THSD4: variants seen among roughly 807,000 people sequenced by gnomAD.
THSD4 encodes thrombospondin type 1 domain containing 4.
THSD4 carries 69 observed loss-of-function variants against 119.0 expected under a neutral mutation model. The observed-to-expected ratio is 0.58, with a 90% CI of 0.48 to 0.71. THSD4 has a LOEUF of 0.71. Ranked by LOEUF, THSD4 falls within the 30% of genes least tolerant of loss-of-function variation. THSD4 has a pLI of 0.00. For missense variants in THSD4, 1,393 were observed against 1,391.1 expected, an observed-to-expected ratio of 1.00 and a Z score of -0.02; for synonymous variants, 524 against 540.4, an observed-to-expected ratio of 0.97 and a Z score of 0.42.
chr15:71,388,661 A>AGTGTGTGTGTGTGTGT (rs748438115), intron 6 of THSD4, among the ~76,000 whole-genome samples: 4 of 142,088 alleles, frequency 2.8e-5, no homozygotes, highest in African/African-American at 7.5e-5. Context: ...TTCTTTGGAG[A>AGTGTGTGTGTGTGTGT]GAGTGTGTGT....
At chr15:71,746,716 C>A (rs1427247895) in intron 12 of THSD4, 122 bp from the exon 13 acceptor site, 10 of 1,088,510 alleles carry the variant, frequency 9.2e-6, no homozygotes, top group Non-Finnish European at 1.2e-5. Context: ...TCAAGCAATG[C>A]TCTAGTAAGA....
rs544273960 is a variant in THSD4 at position 71,694,023 on chromosome 15, AAAAG to A, written c.1357+33309_1357+33312del. Among the ~76,000 whole-genome samples, 1,401 of 152,084 alleles carry A rather than the reference AAAAG, an allele frequency of 9.2e-3. 20 individuals are homozygous for A. Among genetic ancestry groups the A allele is most frequent in the African/African-American group, 0.03 (1,264 of 41,498 alleles). On this transcript the variant is annotated intron_variant, in intron 8 of 17. Coordinates refer to ENST00000261862, the MANE Select transcript of THSD4 (RefSeq NM_024817.3). ...GAGTGAGACCCTGTCTCAAAAAAAAAAAAGAAAGAAAGAAAGAAAGAAAAGCCAG... is the reference window on the plus strand; with the variant it reads ...GAGTGAGACCCTGTCTCAAAAAAAAAAAAGAAAGAAAGAAAGAAAAGCCAG...
intron 7 of THSD4, among the ~76,000 whole-genome samples, chr15:71,578,761 T>C (rs1032562834): frequency 6.6e-6 from 1 of 152,100 alleles, no homozygotes; most frequent in African/African-American, 2.4e-5. Context: ...TATATGATAG[T>C]AAATAATGAA....
intron 17 of THSD4, among the ~76,000 whole-genome samples, chr15:71,775,421 G>C (rs1162528609): frequency 6.6e-6 from 1 of 152,118 alleles, no homozygotes; most frequent in African/African-American, 2.4e-5. Context: ...CTGACAACCT[G>C]TGTCTAAAGT....
chr15:71,310,938 C>T (rs12909381), intron 6 of THSD4, among the ~76,000 whole-genome samples: 136,665 of 152,142 alleles, frequency 0.9, 62,798 homozygotes, highest in East Asian at 1. Flanking sequence ...AACATCTCCC[C>T]CACAACGTGC....
intron 7 of THSD4, among the ~76,000 whole-genome samples, chr15:71,465,913 G>A (rs1029290592): frequency 1.3e-5 from 2 of 152,214 alleles, no homozygotes; most frequent in South Asian, 4.1e-4. Flanking sequence ...TGGCAGGTGA[G>A]TGAAAGGCCT....
intron 6 of THSD4, among the ~76,000 whole-genome samples, chr15:71,295,739 A>T (rs2140330524): frequency 6.6e-6 from 1 of 152,220 alleles, no homozygotes; most frequent in Non-Finnish European, 1.5e-5. Flanking sequence ...GAGTTTTAGT[A>T]AGTTTACCAA....
intron 7 of THSD4, among the ~76,000 whole-genome samples, chr15:71,609,807 A>G (rs11072308): frequency 0.95 from 140,796 of 148,198 alleles, 67,352 homozygotes; most frequent in East Asian, 1. Flanking sequence ...AGCGGAGATC[A>G]TGCCACTGCA....
intron 7 of THSD4, among the ~76,000 whole-genome samples, chr15:71,437,455 G>A (rs548774156): frequency 5.3e-5 from 8 of 152,216 alleles, no homozygotes; most frequent in Non-Finnish European, 1.0e-4. Flanking sequence ...GAAAACTCAA[G>A]GAAAGGACCA....
intron 6 of THSD4, among the ~76,000 whole-genome samples, chr15:71,310,494 A>G (rs1235652799): frequency 6.6e-6 from 1 of 152,200 alleles, no homozygotes; most frequent in Non-Finnish European, 1.5e-5. Flanking sequence ...CAAAGTATGG[A>G]CAGCCATGTA....
intron 7 of THSD4, among the ~76,000 whole-genome samples, chr15:71,556,217 C>T (rs1353519671): frequency 6.6e-6 from 1 of 152,062 alleles, no homozygotes; most frequent in Non-Finnish European, 1.5e-5. Context: ...GTCTATAGAT[C>T]AATATGAGAA....
intron 7 of THSD4, among the ~76,000 whole-genome samples, chr15:71,530,144 ACC>A (rs1222421081): frequency 7.0e-6 from 1 of 142,864 alleles, no homozygotes; most frequent in Non-Finnish European, 1.5e-5. Context: ...AAAATGAAAC[ACC>A]CCTGTTAGAA....
chr15:71,470,993 T>C (rs184308441), intron 7 of THSD4, among the ~76,000 whole-genome samples: 1 of 152,216 alleles, frequency 6.6e-6, no homozygotes, highest in African/African-American at 2.4e-5. Flanking sequence ...TTTAAAGTTA[T>C]CAGGCTATTT....
At chr15:71,755,085 G>T (rs1308079901) in intron 14 of THSD4, among the ~76,000 whole-genome samples, 3 of 152,198 alleles carry the variant, frequency 2.0e-5, no homozygotes, top group Non-Finnish European at 4.4e-5. Flanking sequence ...CCCTTCTCAT[G>T]GGAAATTTAT....
intron 3 of THSD4, among the ~76,000 whole-genome samples, chr15:71,171,976 A>G (rs1354906754): frequency 2.0e-5 from 3 of 152,208 alleles, no homozygotes; most frequent in African/African-American, 7.2e-5. Flanking sequence ...TATAAACCTC[A>G]AAGAAGCCAT....
chr15:71,206,941 T>G (rs1487570634), intron 3 of THSD4, among the ~76,000 whole-genome samples: 1 of 152,246 alleles, frequency 6.6e-6, no homozygotes, highest in African/African-American at 2.4e-5. Context: ...TGTTTTCATT[T>G]TTCCATGTCA....
chr15:71,301,150 T>G (rs935849372), intron 6 of THSD4, among the ~76,000 whole-genome samples: 9 of 152,152 alleles, frequency 5.9e-5, no homozygotes, highest in African/African-American at 1.7e-4. Context: ...TCAGCAGAAA[T>G]AGAGACTAAA....
chr15:71,518,390 G>A (rs377429898), intron 7 of THSD4, among the ~76,000 whole-genome samples: 3 of 152,114 alleles, frequency 2.0e-5, no homozygotes, highest in African/African-American at 7.2e-5. Flanking sequence ...TCAGACAAAG[G>A]GAGGCATTTT....
chr15:71,197,975 T>G (rs1262838305), intron 3 of THSD4, among the ~76,000 whole-genome samples: 2 of 152,106 alleles, frequency 1.3e-5, no homozygotes, highest in African/African-American at 4.8e-5. Flanking sequence ...GAGAATGCAG[T>G]CAGGCATGGT....
Sources: allele counts gnomAD v4.1 joint callset (sites outside exome capture counted in the v4.1 genomes callset), GRCh38; gene constraint gnomAD v4.1.1; transcripts MANE v1.5; gene names NCBI Gene and HGNC (gene_info 2026-07-23, HGNC 2026-07-21).